RASSF3: variants seen among roughly 807,000 people sequenced by gnomAD.
RASSF3 encodes the protein Ras association domain family member 3.
RASSF3 carries 19 observed loss-of-function variants against 19.9 expected under a neutral mutation model. The observed-to-expected ratio is 0.96, with a 90% confidence interval of 0.67 to 1.40. RASSF3 has a LOEUF of 1.40. Among genes scored for constraint, RASSF3 ranks in the 40% most tolerant of loss-of-function variants. The pLI is 0.00. For synonymous variants in RASSF3, 110 were observed against 104.2 expected, an observed-to-expected ratio of 1.06 and a Z score of -0.34; for missense variants, 306 against 289.8, an observed-to-expected ratio of 1.06 and a Z score of -0.41.
chr12:64,625,738 G>A (rs1457938585), intron 1 of RASSF3, among the ~76,000 whole-genome samples: 2 of 145,744 alleles, frequency 1.4e-5, no homozygotes, highest in South Asian at 2.3e-4. Context: ...CCGTGGCTGG[G>A]TTCCCAGCCC....
intron 2 of RASSF3, 73 bp downstream of exon 2, chr12:64,684,967 T>C (rs1873293209): frequency 2.4e-6 from 2 of 849,572 alleles, no homozygotes; most frequent in South Asian, 1.4e-5. Context: ...CTACAATCTA[T>C]AGTTCTAAAT....
At chr12:64,550,880 G>A (rs1565837635) in intron 2 of RASSF3, among the ~76,000 whole-genome samples, 1 of 149,174 alleles carries the variant, frequency 6.7e-6, no homozygotes, top group Non-Finnish European at 1.5e-5. Context: ...TGATGCTCAT[G>A]TCCATAAAGC....
chr12:64,567,637 G>A (rs1023657985), intron 2 of RASSF3, among the ~76,000 whole-genome samples: 2 of 152,224 alleles, frequency 1.3e-5, no homozygotes, highest in Non-Finnish European at 2.9e-5. Flanking sequence ...ACAGCATGAA[G>A]ACTAGGATTT....
At chr12:64,691,418 G>C in intron 3 of RASSF3, 52 bp from the exon 4 acceptor site, 1 of 1,221,484 alleles carries the variant, frequency 8.2e-7, no homozygotes, top group Non-Finnish European at 1.2e-6. Context: ...TGGGGAAGTG[G>C]TCTCAGGAAT....
intron 2 of RASSF3, among the ~76,000 whole-genome samples, chr12:64,574,662 G>C (rs1592405235): frequency 6.6e-6 from 1 of 152,178 alleles, no homozygotes; most frequent in Non-Finnish European, 1.5e-5. Context: ...TGCCTAAGCT[G>C]CTCCTTCTGG....
chr12:64,520,559 T>C (rs200717318), intron 1 of RASSF3, among the ~76,000 whole-genome samples: 159 of 26,602 alleles, frequency 6.0e-3, no homozygotes, highest in South Asian at 0.017. Flanking sequence ...TACACACATA[T>C]ATATATATAT....
intron 1 of RASSF3, among the ~76,000 whole-genome samples, chr12:64,508,612 C>T (rs891934678): frequency 3.3e-5 from 5 of 151,894 alleles, no homozygotes; most frequent in Non-Finnish European, 5.9e-5. Context: ...AGACCGGGCG[C>T]GGCGGCTCAT....
rs576421838 is a variant in RASSF3 at position 64,509,379 on chromosome 12, G to T, written c.169+2050G>T. Among the ~76,000 whole-genome samples the T allele has an allele frequency of 5.3e-4, 80 of 152,320 alleles. 3 individuals carry two copies. In the South Asian group the frequency reaches 0.016, roughly 31 times the overall value. ...CCAGAAGAATCGCTTGAGCCCAGGA[G>T]GTGGAGGTTGCAGTGAGCTAAGATG... is the stretch of plus-strand genomic sequence containing the variant. On this transcript the variant is annotated intron_variant, in intron 1 of 5. Coordinates refer to the RASSF3 transcript ENST00000637125.
At chr12:64,592,545 A>G (rs1020164908) in intron 2 of RASSF3, among the ~76,000 whole-genome samples, 6 of 152,186 alleles carry the variant, frequency 3.9e-5, no homozygotes, top group South Asian at 2.1e-4. Flanking sequence ...CTGTCTTGCA[A>G]TTGTACCATT....
chr12:64,590,019 A>G (rs2136140011), intron 2 of RASSF3, among the ~76,000 whole-genome samples: 1 of 151,478 alleles, frequency 6.6e-6, no homozygotes, highest in East Asian at 1.9e-4. Context: ...AAAAAAAAAA[A>G]AAAGAGTCTG....
chr12:64,619,435 T>C (rs1016997418), intron 1 of RASSF3, among the ~76,000 whole-genome samples: 7 of 152,112 alleles, frequency 4.6e-5, no homozygotes, highest in African/African-American at 1.7e-4. Flanking sequence ...TTTCATAGAG[T>C]ATTAAAGGAG....
At chr12:64,534,513 T>C (rs1868780787) in intron 1 of RASSF3, among the ~76,000 whole-genome samples, 1 of 151,942 alleles carries the variant, frequency 6.6e-6, no homozygotes, top group Admixed American at 6.6e-5. Context: ...AATAGAATAA[T>C]AAAATAAATC....
At chr12:64,593,656 A>G (rs979267716) in intron 2 of RASSF3, among the ~76,000 whole-genome samples, 1 of 152,202 alleles carries the variant, frequency 6.6e-6, no homozygotes, top group Non-Finnish European at 1.5e-5. Context: ...GGATATGAGG[A>G]CACATTATTA....
chr12:64,561,408 C>T lies in RASSF3; in HGVS notation c.294+19703C>T, dbSNP rs111893353. 8.4e-3 allele frequency among the ~76,000 whole-genome samples: 1,277 copies of T among 152,306 alleles called. 14 individuals carry two copies. Among genetic ancestry groups the T allele is most frequent in the African/African-American group, 0.03 (1,236 of 41,556 alleles). On this transcript the variant is annotated intron_variant, in intron 2 of 5. Coordinates refer to the RASSF3 transcript ENST00000637125. ...TTTTATTTTGTGTGAAGATATTCCA[C>T]GCATTGCCGCACATTTGGCATTTCT...
intron 1 of RASSF3, among the ~76,000 whole-genome samples, chr12:64,626,305 T>C (rs12823385): frequency 0.29 from 43,981 of 151,562 alleles, 6,653 homozygotes; most frequent in East Asian, 0.38. Flanking sequence ...GAGGCCGAGG[T>C]GGGCAGATCA....
At chr12:64,514,008 T>G (rs1271896621) in intron 1 of RASSF3, among the ~76,000 whole-genome samples, 1 of 149,970 alleles carries the variant, frequency 6.7e-6, no homozygotes, top group East Asian at 2.0e-4. Flanking sequence ...TCCTCCTGAG[T>G]AGCTGGGATT....
At chr12:64,599,741 C>T (rs570602973) in intron 2 of RASSF3, among the ~76,000 whole-genome samples, 15 of 152,236 alleles carry the variant, frequency 9.9e-5, no homozygotes, top group Non-Finnish European at 2.1e-4. Flanking sequence ...GCTCAAAATA[C>T]TGCCTGATAA....
At chr12:64,597,156 G>A (rs1870010907) in intron 2 of RASSF3, among the ~76,000 whole-genome samples, 1 of 151,664 alleles carries the variant, frequency 6.6e-6, no homozygotes, top group Non-Finnish European at 1.5e-5. Flanking sequence ...TTCCTGAGAT[G>A]GAGCCTTGCT....
intron 2 of RASSF3, among the ~76,000 whole-genome samples, chr12:64,583,485 G>A (rs148093097): frequency 1.3e-5 from 2 of 152,304 alleles, no homozygotes; most frequent in African/African-American, 4.8e-5. Context: ...AGCCAGGCAT[G>A]GTAGCGTGCG....
Sources: allele counts gnomAD v4.1 joint callset (sites outside exome capture counted in the v4.1 genomes callset), GRCh38; gene constraint gnomAD v4.1.1; transcripts MANE v1.5; gene names NCBI Gene and HGNC (gene_info 2026-07-23, HGNC 2026-07-21).